PCDH15: variants seen among roughly 807,000 people sequenced by gnomAD.
PCDH15 encodes protocadherin related 15.
Under a neutral mutation model 178.5 loss-of-function variants are expected in PCDH15, and 129 were observed. The ratio of observed to expected loss-of-function variants is 0.72; its 90% CI spans 0.63 to 0.84. The LOEUF (loss-of-function observed/expected upper bound fraction) is 0.84, where lower values mean the gene tolerates loss of function less well. Among genes scored for constraint, PCDH15 ranks in the 40% least tolerant of loss-of-function variants. The probability of loss-of-function intolerance (pLI) is 0.00; values close to 1 mark genes in which losing one functional copy is unlikely to be tolerated. For missense variants in PCDH15, 2,230 were observed against 2,099.9 expected, an observed-to-expected ratio of 1.06 and a Z score of -1.21; for synonymous variants, 800 against 732.0, an observed-to-expected ratio of 1.09 and a Z score of -1.50.
chr10:53,871,117 A>T (rs1224299787), intron 26 of PCDH15, among the ~76,000 whole-genome samples: 1 of 151,648 alleles, frequency 6.6e-6, no homozygotes, highest in African/African-American at 2.4e-5. Context: ...GCGGGTCACA[A>T]GGTCAGGAGA....
intron 20 of PCDH15, among the ~76,000 whole-genome samples, chr10:54,007,036 C>A (rs1224366229): frequency 6.6e-6 from 1 of 152,172 alleles, no homozygotes; most frequent in African/African-American, 2.4e-5. Flanking sequence ...TTATCTCAGA[C>A]AAGTTCTTTA....
At chr10:54,947,190 A>T (rs1367565132) in intron 2 of PCDH15, among the ~76,000 whole-genome samples, 1 of 151,942 alleles carries the variant, frequency 6.6e-6, no homozygotes, top group Non-Finnish European at 1.5e-5. Context: ...ACATTTCTAG[A>T]GTACTTACCA....
chr10:54,922,071 G>A (rs1242011221), intron 2 of PCDH15, among the ~76,000 whole-genome samples: 1 of 152,114 alleles, frequency 6.6e-6, no homozygotes, highest in African/African-American at 2.4e-5. Flanking sequence ...CCAACACACA[G>A]GTATTACAAT....
chr10:54,870,785 C>CA (rs1365289048), intron 3 of PCDH15, among the ~76,000 whole-genome samples: 5 of 118,568 alleles, frequency 4.2e-5, no homozygotes, highest in African/African-American at 6.4e-5. Flanking sequence ...GACTCCCTCT[C>CA]AAAAAAATAA....
chr10:54,207,659 G>T (rs1274343064), intron 10 of PCDH15, among the ~76,000 whole-genome samples: 1 of 151,916 alleles, frequency 6.6e-6, no homozygotes. Flanking sequence ...GTGGGAGGTG[G>T]TGTACAACGT....
intron 2 of PCDH15, among the ~76,000 whole-genome samples, chr10:55,350,378 C>A (rs963908513): frequency 1.3e-5 from 2 of 150,508 alleles, no homozygotes; most frequent in Non-Finnish European, 3.0e-5. Flanking sequence ...TAGGAAAGTG[C>A]GAATGGGTAC....
At chr10:54,097,748 AAATG>A (rs1304013574) in intron 15 of PCDH15, among the ~76,000 whole-genome samples, 1 of 152,218 alleles carries the variant, frequency 6.6e-6, no homozygotes, top group Non-Finnish European at 1.5e-5. Flanking sequence ...ATAATGAGAA[AAATG>A]AATGAAAGAA....
At position 55,460,318 on chromosome 10, in the gene PCDH15, G is replaced by A. The variant is rs565219396; in HGVS notation, c.-156+167307C>T. On this transcript the variant is annotated intron_variant, in intron 2 of 5. Transcript: ENST00000613346. ...GGATGGCTAAAATAAAAGTATTGGT[G>A]AGACTATGGAAGCACATTTAATGTA... Among the ~76,000 whole-genome samples, 8 of 151,904 alleles carry A rather than the reference G, an allele frequency of 5.3e-5. No individual in the cohort carries two copies. The South Asian group carries it at 1.7e-3, about 32-fold the overall frequency.
chr10:54,305,773 A>G (rs1026545383), intron 8 of PCDH15, among the ~76,000 whole-genome samples: 2 of 151,834 alleles, frequency 1.3e-5, no homozygotes, highest in African/African-American at 4.8e-5. Flanking sequence ...TATATGAGGG[A>G]AAATCTAAAT....
chr10:55,520,416 G>A (rs61851180), intron 2 of PCDH15, among the ~76,000 whole-genome samples: 38,255 of 132,746 alleles, frequency 0.29, 6,719 homozygotes, highest in African/African-American at 0.34. Flanking sequence ...ATTTATAAAT[G>A]AGCTTCATTT....
intron 2 of PCDH15, among the ~76,000 whole-genome samples, chr10:55,149,621 G>C (rs979404680): frequency 9.9e-5 from 15 of 152,072 alleles, no homozygotes; most frequent in African/African-American, 3.6e-4. Context: ...TATACTGAAG[G>C]TTCCCATAGA....
chr10:53,960,803 A>T (rs1448120588), intron 22 of PCDH15, among the ~76,000 whole-genome samples: 1 of 152,200 alleles, frequency 6.6e-6, no homozygotes, highest in Non-Finnish European at 1.5e-5. Flanking sequence ...GTGCTCACTG[A>T]TCCTTACGTG....
At chr10:54,838,778 C>T (rs979153824) in intron 3 of PCDH15, among the ~76,000 whole-genome samples, 9 of 152,096 alleles carry the variant, frequency 5.9e-5, no homozygotes, top group East Asian at 1.9e-4. Context: ...TAGTGCAGAT[C>T]CTGAAGCAGC....
At chr10:54,421,048 G>C (rs577084849) in intron 3 of PCDH15, among the ~76,000 whole-genome samples, 149 of 152,076 alleles carry the variant, frequency 9.8e-4, no homozygotes, top group Non-Finnish European at 1.6e-3. Context: ...ATACCCTATA[G>C]CTTTCTACCA....
chr10:54,557,601 T>C (rs941025532), intron 2 of PCDH15, among the ~76,000 whole-genome samples: 5 of 152,280 alleles, frequency 3.3e-5, no homozygotes, highest in East Asian at 3.9e-4. Flanking sequence ...AGTGAGGCCA[T>C]AGAAATCATC....
chr10:54,733,036 C>T (rs766174514), intron 1 of PCDH15, among the ~76,000 whole-genome samples: 5 of 151,448 alleles, frequency 3.3e-5, no homozygotes, highest in Non-Finnish European at 7.4e-5. Context: ...AGTTTGTCTA[C>T]GAAAACGTAC....
intron 3 of PCDH15, among the ~76,000 whole-genome samples, chr10:54,479,290 G>A (rs967511665): frequency 6.6e-6 from 1 of 151,942 alleles, no homozygotes; most frequent in African/African-American, 2.4e-5. Flanking sequence ...GGTACCTCCT[G>A]ATTTTATTAG....
chr10:55,010,208 G>T (rs1358087577), intron 2 of PCDH15, among the ~76,000 whole-genome samples: 1 of 151,924 alleles, frequency 6.6e-6, no homozygotes, highest in African/African-American at 2.4e-5. Context: ...AAAAAAGGAA[G>T]AAATAATAAA....
chr10:54,127,658 A>G (rs536765262), intron 15 of PCDH15, among the ~76,000 whole-genome samples: 61 of 152,256 alleles, frequency 4.0e-4, no homozygotes, highest in African/African-American at 1.4e-3. Context: ...AAAGTTTCCA[A>G]ATCTTTTCCT....
Sources: gnomAD v4.1 joint callset for allele counts (sites outside exome capture counted in the v4.1 genomes callset) on GRCh38, gnomAD v4.1.1 for gene constraint, MANE v1.5 for transcripts, NCBI Gene and HGNC (gene_info 2026-07-23, HGNC 2026-07-21) for gene names.